PDLIM5: variants seen among roughly 807,000 people sequenced by gnomAD.
PDLIM5 encodes PDZ and LIM domain 5.
A neutral mutation model predicts 64.2 loss-of-function variants in PDLIM5; 34 were observed. That is an observed-to-expected ratio of 0.53 (90% CI 0.40 to 0.71). The LOEUF (loss-of-function observed/expected upper bound fraction) is 0.71, where lower values mean the gene tolerates loss of function less well. Among genes scored for constraint, PDLIM5 ranks in the 30% least tolerant of loss-of-function variants. The pLI is 0.00. For missense variants in PDLIM5, 683 were observed against 733.6 expected, an observed-to-expected ratio of 0.93 and a Z score of 0.80; for synonymous variants, 253 against 269.1, an observed-to-expected ratio of 0.94 and a Z score of 0.59.
rs535284945 is a variant in PDLIM5 at position 94,565,282 on chromosome 4, C to G, written c.249-8069C>G. 4.6e-5 allele frequency among the ~76,000 whole-genome samples: 7 copies of G among 152,166 alleles called. No individual in the cohort carries two copies. The South Asian group carries it at 1.4e-3, about 32-fold the overall frequency. ...ATGTTTATAAAAATACAGGCTGATT[C>G]AAAAAGAGCTGAACACGATAAAAAA... On this transcript the variant is annotated intron_variant, in intron 3 of 12. Coordinates refer to ENST00000317968, the MANE Select transcript of PDLIM5 (RefSeq NM_006457.5).
intron 7 of PDLIM5, among the ~76,000 whole-genome samples, chr4:94,604,095 G>C (rs1280711988): frequency 6.6e-6 from 1 of 152,156 alleles, no homozygotes; most frequent in Non-Finnish European, 1.5e-5. Flanking sequence ...TGATAGCAGA[G>C]TACAGAGAAA....
chr4:94,478,251 G>A (rs1048737444), intron 2 of PDLIM5, among the ~76,000 whole-genome samples: 7 of 121,624 alleles, frequency 5.8e-5, no homozygotes, highest in East Asian at 2.1e-4. Flanking sequence ...GCCAGACTCC[G>A]TCTCAAAAAA....
intron 2 of PDLIM5, among the ~76,000 whole-genome samples, chr4:94,480,626 C>T (rs1725764298): frequency 6.6e-6 from 1 of 152,096 alleles, no homozygotes; most frequent in African/African-American, 2.4e-5. Flanking sequence ...AGGGGTGAAA[C>T]CTTAGGGAAG....
rs1742069556 is a variant in PDLIM5, at chr4:94,654,532, A to G, written c.1356A>G (p.Thr452=). 1 of 1,611,816 alleles carries G rather than the reference A, an allele frequency of 6.2e-7. No homozygotes were observed. Among genetic ancestry groups the G allele is most frequent in the Non-Finnish European group, 8.5e-7 (1 of 1,177,906 alleles). ...EEFNCAHCKN[T]MAYIGFVEEK... The stretch of plus-strand genomic sequence containing the variant: ...TCAACTGCGCTCACTGCAAAAATAC[A>G]ATGGCCTACATTGGATTTGTAGAGG... The change falls in exon 10 of 13, where the codon ACA becomes ACG. Residue 452 remains threonine (T), a synonymous_variant. Transcript: ENST00000317968.
In PDLIM5 at chr4:94,478,902, T is replaced by G. The variant is rs1405161583; in HGVS notation, c.96+23518T>G. On this transcript the variant is annotated intron_variant, in intron 2 of 12. Transcript: ENST00000317968. ...AGGTGTGCTTGGTGTTTTTTTTTTTTTTTTTTTTTTTTTTTAAGACAGGGT... is the reference window on the plus strand; with the variant it reads ...AGGTGTGCTTGGTGTTTTTTTTTTTGTTTTTTTTTTTTTTTAAGACAGGGT... Among the ~76,000 whole-genome samples the G allele has an allele frequency of 6.2e-5, 9 of 145,988 alleles. 1 individual carries two copies. The highest frequency in any genetic ancestry group is 9.0e-5 in the Non-Finnish European group (6 of 66,858).
chr4:94,637,670 A>C (rs1740679594), intron 8 of PDLIM5, among the ~76,000 whole-genome samples: 1 of 152,244 alleles, frequency 6.6e-6, no homozygotes, highest in Non-Finnish European at 1.5e-5. Context: ...GGAAACAGAA[A>C]GGATAAGGTT....
At chr4:94,500,334 T>C (rs1253255939) in intron 2 of PDLIM5, among the ~76,000 whole-genome samples, 1 of 152,236 alleles carries the variant, frequency 6.6e-6, no homozygotes, top group East Asian at 1.9e-4. Flanking sequence ...TGAAAAGCTG[T>C]GAACTTTATT....
At chr4:94,481,295 T>G (rs1164529129) in intron 2 of PDLIM5, among the ~76,000 whole-genome samples, 4 of 149,822 alleles carry the variant, frequency 2.7e-5, no homozygotes, top group African/African-American at 4.9e-5. Flanking sequence ...TATTCCTTTT[T>G]TTTTTTTTTT....
intron 2 of PDLIM5, among the ~76,000 whole-genome samples, chr4:94,481,696 C>T (rs1025219769): frequency 1.3e-5 from 2 of 151,782 alleles, no homozygotes; most frequent in African/African-American, 4.8e-5. Context: ...TTAAGCTCTG[C>T]CTCCTGGGTT....
At chr4:94,604,098 C>A (rs1219244217) in intron 7 of PDLIM5, among the ~76,000 whole-genome samples, 2 of 151,972 alleles carry the variant, frequency 1.3e-5, no homozygotes, top group African/African-American at 2.4e-5. Flanking sequence ...TAGCAGAGTA[C>A]AGAGAAATAA....
intron 2 of PDLIM5, among the ~76,000 whole-genome samples, chr4:94,509,034 G>A (rs1728638305): frequency 1.3e-5 from 2 of 152,084 alleles, no homozygotes; most frequent in South Asian, 2.1e-4. Context: ...ATTACTCAAA[G>A]CAGTTGTCAT....
chr4:94,474,247 ATTG>A (rs948315749), intron 2 of PDLIM5, among the ~76,000 whole-genome samples: 5 of 151,756 alleles, frequency 3.3e-5, no homozygotes, highest in Admixed American at 1.3e-4. Flanking sequence ...CATCTTTTTT[ATTG>A]TTGTTTTTGT....
chr4:94,623,526 A>G (rs939815534), intron 8 of PDLIM5, among the ~76,000 whole-genome samples: 8 of 152,018 alleles, frequency 5.3e-5, no homozygotes, highest in African/African-American at 1.9e-4. Flanking sequence ...TTGTTATAGC[A>G]TTCATCCTGT....
chr4:94,477,198 TC>T (rs1482248740), intron 2 of PDLIM5, among the ~76,000 whole-genome samples: 3 of 152,176 alleles, frequency 2.0e-5, no homozygotes, highest in African/African-American at 7.2e-5. Context: ...TTGGCAGTTA[TC>T]CATTCTTTTC....
chr4:94,591,326 G>C (rs765834063), intron 7 of PDLIM5, among the ~76,000 whole-genome samples: 2 of 152,164 alleles, frequency 1.3e-5, no homozygotes, highest in Non-Finnish European at 2.9e-5. Context: ...AGCAGCAAGT[G>C]ATAAATTCTG....
intron 2 of PDLIM5, among the ~76,000 whole-genome samples, chr4:94,476,100 A>G (rs900791342): frequency 6.6e-6 from 1 of 152,204 alleles, no homozygotes; most frequent in Admixed American, 6.5e-5. Context: ...AATATAATTC[A>G]TGCCTACATG....
At position 94,618,177 on chromosome 4, in the gene PDLIM5, G is replaced by A. The variant is rs753636841; in HGVS notation, c.1094G>A (p.Arg365Gln). 2.2e-5 allele frequency: 35 copies of A among 1,597,818 alleles called. No individual in the cohort carries two copies. The highest frequency in any genetic ancestry group is 1.7e-4 in the Middle Eastern group (1 of 6,004). The change falls in exon 8 of 13, where the codon CGG becomes CAG. Residue 365 changes from arginine to glutamine, a missense_variant. Arg to Gln is a conservative substitution (Grantham distance 43). Coordinates refer to ENST00000317968, the MANE Select transcript of PDLIM5 (RefSeq NM_006457.5). ...GTCATCAAGTCACCAAGCTGGCAAC[G>A]GCCAAACCAAGGAGGTAGCCCAGAG... is the stretch of plus-strand genomic sequence containing the variant. ...TGVIKSPSWQ[R>Q]PNQGVPSTGR...
intron 3 of PDLIM5, among the ~76,000 whole-genome samples, chr4:94,547,737 T>A (rs771952991): frequency 6.6e-5 from 10 of 152,216 alleles, no homozygotes; most frequent in Non-Finnish European, 1.3e-4. Flanking sequence ...ATCTGACTGA[T>A]GCATTTTATT....
intron 2 of PDLIM5, among the ~76,000 whole-genome samples, chr4:94,516,326 G>C (rs944061517): frequency 2.0e-5 from 3 of 152,138 alleles, no homozygotes; most frequent in Admixed American, 2.0e-4. Context: ...TCTAACTTTT[G>C]AGTAAAATTG....
Sources: gnomAD v4.1 joint callset for allele counts (sites outside exome capture counted in the v4.1 genomes callset) on GRCh38, gnomAD v4.1.1 for gene constraint, MANE v1.5 for transcripts, NCBI Gene and HGNC (gene_info 2026-07-23, HGNC 2026-07-21) for gene names.